MGAT4C: variants seen among roughly 807,000 people sequenced by gnomAD.
The protein encoded by MGAT4C is alpha-1,3-mannosyl-glycoprotein 4-beta-N-acetylglucosaminyltransferase C.
A neutral mutation model predicts 40.1 loss-of-function variants in MGAT4C; 19 were observed. The ratio of observed to expected loss-of-function variants is 0.47; its 90% CI spans 0.33 to 0.70. MGAT4C has a LOEUF of 0.70. MGAT4C is among the 30% of genes least tolerant of loss of function. MGAT4C has a pLI of 0.02. For missense variants in MGAT4C, 491 were observed against 563.2 expected, an observed-to-expected ratio of 0.87 and a Z score of 1.30; for synonymous variants, 181 against 187.1, an observed-to-expected ratio of 0.97 and a Z score of 0.27.
intron 3 of MGAT4C, among the ~76,000 whole-genome samples, chr12:86,402,367 G>A (rs578117835): frequency 6.6e-6 from 1 of 152,126 alleles, no homozygotes; most frequent in Admixed American, 6.5e-5. Context: ...GGAGGTTGCA[G>A]TGAGCCAAGA....
intron 2 of MGAT4C, among the ~76,000 whole-genome samples, chr12:86,526,681 G>A (rs1958888825): frequency 6.6e-6 from 1 of 152,166 alleles, no homozygotes; most frequent in South Asian, 2.1e-4. Flanking sequence ...AGGTCTGACA[G>A]TTTCCCTAGG....
chr12:86,154,356 G>C (rs1432554698), intron 1 of MGAT4C, among the ~76,000 whole-genome samples: 1 of 152,112 alleles, frequency 6.6e-6, no homozygotes, highest in Admixed American at 6.6e-5. Context: ...AGCCTCTGAC[G>C]GTGAGGCATT....
At chr12:86,591,248 A>G (rs1399718241) in intron 2 of MGAT4C, among the ~76,000 whole-genome samples, 1 of 152,048 alleles carries the variant, frequency 6.6e-6, no homozygotes, top group Non-Finnish European at 1.5e-5. Flanking sequence ...CTTAAGATCA[A>G]ATAGGACTTG....
At chr12:86,374,198 G>A (rs529732620) in intron 3 of MGAT4C, among the ~76,000 whole-genome samples, 1 of 152,182 alleles carries the variant, frequency 6.6e-6, no homozygotes, top group African/African-American at 2.4e-5. Flanking sequence ...AGTGTGAGCT[G>A]AGAATGAACA....
chr12:86,392,870 A>G (rs1452769619), intron 3 of MGAT4C, among the ~76,000 whole-genome samples: 11 of 152,234 alleles, frequency 7.2e-5, no homozygotes, highest in Non-Finnish European at 1.6e-4. Flanking sequence ...CACTATAAAC[A>G]ATCATATGAT....
intron 2 of MGAT4C, among the ~76,000 whole-genome samples, chr12:86,452,978 T>C (rs1194505424): frequency 2.6e-5 from 4 of 152,172 alleles, no homozygotes; most frequent in African/African-American, 9.7e-5. Flanking sequence ...CATTGAAATC[T>C]TCAGTCACAT....
chr12:86,411,278 A>C (rs1444199312), intron 3 of MGAT4C, among the ~76,000 whole-genome samples: 1 of 152,224 alleles, frequency 6.6e-6, no homozygotes, highest in Non-Finnish European at 1.5e-5. Context: ...AGACAAGAAA[A>C]TGAGGGAAAG....
chr12:86,603,664 T>A (rs1182698297), intron 2 of MGAT4C, among the ~76,000 whole-genome samples: 4 of 128,322 alleles, frequency 3.1e-5, no homozygotes, highest in Non-Finnish European at 6.3e-5. Context: ...TAGTCTATAT[T>A]ATATATAGTA....
intron 1 of MGAT4C, among the ~76,000 whole-genome samples, chr12:86,139,496 A>T (rs1243772516): frequency 6.6e-6 from 1 of 152,018 alleles, no homozygotes. Context: ...ATGTTATATG[A>T]ATCTTTTTTT....
chr12:86,631,657 G>T (rs1458708519), intron 2 of MGAT4C, among the ~76,000 whole-genome samples: 2 of 151,934 alleles, frequency 1.3e-5, no homozygotes, highest in African/African-American at 4.8e-5. Flanking sequence ...AATGGGGAAA[G>T]GATTCCCTAT....
chr12:86,762,105 G>A (rs903751401), intron 1 of MGAT4C, among the ~76,000 whole-genome samples: 3 of 151,452 alleles, frequency 2.0e-5, no homozygotes, highest in Non-Finnish European at 2.9e-5. Flanking sequence ...AGGCTGGAGT[G>A]CAGTGGCATG....
intron 1 of MGAT4C, among the ~76,000 whole-genome samples, chr12:86,202,224 T>C (rs115367021): frequency 1.3e-5 from 2 of 152,108 alleles, no homozygotes; most frequent in African/African-American, 4.8e-5. Flanking sequence ...TATTCTGCCA[T>C]TACATATGAT....
At chr12:86,727,899 G>T (rs770859614) in intron 1 of MGAT4C, among the ~76,000 whole-genome samples, 5 of 151,716 alleles carry the variant, frequency 3.3e-5, no homozygotes, top group Admixed American at 1.3e-4. Flanking sequence ...ACAAAAAAAA[G>T]AAACAAACAA....
chr12:86,110,102 T>C (rs1417593031), intron 1 of MGAT4C, among the ~76,000 whole-genome samples: 1 of 149,880 alleles, frequency 6.7e-6, no homozygotes, highest in Non-Finnish European at 1.5e-5. Context: ...TAATAGACAG[T>C]CAGGGAGGAC....
At chr12:86,589,667 C>T (rs1212072704) in intron 2 of MGAT4C, among the ~76,000 whole-genome samples, 1 of 152,016 alleles carries the variant, frequency 6.6e-6, no homozygotes, top group Non-Finnish European at 1.5e-5. Context: ...AAAATACTGG[C>T]AAACCGAATC....
chr12:86,015,228 T>G (rs558482472), intron 2 of MGAT4C, among the ~76,000 whole-genome samples: 7 of 150,452 alleles, frequency 4.7e-5, no homozygotes, highest in African/African-American at 1.5e-4. Context: ...GTAATTGCGG[T>G]TTTTCCGCAA....
intron 2 of MGAT4C, among the ~76,000 whole-genome samples, chr12:86,439,106 T>C (rs1957185276): frequency 6.6e-6 from 1 of 151,976 alleles, no homozygotes; most frequent in Admixed American, 6.6e-5. Flanking sequence ...GGACTTAAAC[T>C]ACACTCTACA....
intron 2 of MGAT4C, among the ~76,000 whole-genome samples, chr12:86,655,586 C>A (rs1399276572): frequency 6.6e-6 from 1 of 152,030 alleles, no homozygotes; most frequent in Admixed American, 6.6e-5. Context: ...TTTGTCCAGC[C>A]AAATGTATTT....
chr12:86,176,529 G>C (rs1239500388), intron 1 of MGAT4C, among the ~76,000 whole-genome samples: 1 of 151,842 alleles, frequency 6.6e-6, no homozygotes, highest in African/African-American at 2.4e-5. Context: ...TATATATTCA[G>C]AAACGTATCT....
Sources: allele counts gnomAD v4.1 joint callset (sites outside exome capture counted in the v4.1 genomes callset), GRCh38; gene constraint gnomAD v4.1.1; transcripts MANE v1.5; gene names NCBI Gene and HGNC (gene_info 2026-07-23, HGNC 2026-07-21).